ERBB4: variants seen among roughly 807,000 people sequenced by gnomAD.
ERBB4 encodes erb-b2 receptor tyrosine kinase 4.
ERBB4 carries 42 observed loss-of-function variants against 158.0 expected under a neutral mutation model. That is an observed-to-expected ratio of 0.27 (90% CI 0.21 to 0.34). The LOEUF is 0.34. Ranked by LOEUF, ERBB4 falls within the 10% of genes least tolerant of loss-of-function variation. The pLI is 1.00. For synonymous variants in ERBB4, 583 were observed against 558.7 expected (o/e 1.04, Z -0.61); for missense variants, 1,333 against 1,624.1 (o/e 0.82, Z 3.08).
chr2:211,503,747 C>T (rs2125596346), intron 20 of ERBB4, among the ~76,000 whole-genome samples: 1 of 151,874 alleles, frequency 6.6e-6, no homozygotes, highest in Non-Finnish European at 1.5e-5. Flanking sequence ...GGGCTGAAAA[C>T]ATCAGGTCAC....
rs2091056296 is a variant in ERBB4, at chr2:212,397,279, A to T, written c.82+141170T>A. On this transcript the variant is annotated intron_variant, in intron 1 of 27. Coordinates refer to ENST00000342788, the MANE Select transcript of ERBB4 (RefSeq NM_005235.3). ...CACTTGAGCCCAGGAGTTTGAGACCAGCCTGGGCAACATGGTGAAACCCAC... is the reference window on the plus strand; with the variant it reads ...CACTTGAGCCCAGGAGTTTGAGACCTGCCTGGGCAACATGGTGAAACCCAC... 2.0e-5 allele frequency among the ~76,000 whole-genome samples: 3 copies of T among 152,074 alleles called. No individual in the cohort carries two copies. In the South Asian group the frequency reaches 6.2e-4, roughly 32 times the overall value.
rs528869561 is a variant in ERBB4 at position 212,508,147 on chromosome 2, T to G, written c.82+30302A>C. 9.2e-5 allele frequency among the ~76,000 whole-genome samples: 14 copies of G among 152,306 alleles called. No individual in the cohort carries two copies. The East Asian group carries it at 2.7e-3, about 29-fold the overall frequency. ...TTTTTTAGCAATAACTGTTTTTAAA[T>G]TAAGGTATTCATATTGTATTTTTGG... On this transcript the variant is annotated intron_variant, in intron 1 of 27. Transcript: ENST00000342788.
At chr2:212,128,564 C>T (rs1301836248) in intron 1 of ERBB4, among the ~76,000 whole-genome samples, 1 of 152,202 alleles carries the variant, frequency 6.6e-6, no homozygotes, top group Non-Finnish European at 1.5e-5. Context: ...AGATATTTTA[C>T]ATTGTCATAT....
intron 27 of ERBB4, 84 bp downstream of exon 27, chr2:211,386,769 T>A (rs987950134): frequency 2.2e-6 from 3 of 1,381,516 alleles, no homozygotes; most frequent in Admixed American, 3.4e-5. Flanking sequence ...TGGTCAGCTA[T>A]CTGGCAATTT....
chr2:212,382,156 A>G (rs138179089), intron 1 of ERBB4, among the ~76,000 whole-genome samples: 2 of 150,216 alleles, frequency 1.3e-5, no homozygotes, highest in African/African-American at 4.9e-5. Context: ...ATACACATAC[A>G]ATATATATTA....
chr2:211,731,958 C>T (rs1331937087), intron 5 of ERBB4, among the ~76,000 whole-genome samples: 1 of 152,084 alleles, frequency 6.6e-6, no homozygotes, highest in Admixed American at 6.5e-5. Flanking sequence ...AGATGTCTGG[C>T]CCATCTCCTA....
At chr2:211,494,634 T>C (rs1319343992) in intron 20 of ERBB4, among the ~76,000 whole-genome samples, 1 of 152,110 alleles carries the variant, frequency 6.6e-6, no homozygotes, top group Non-Finnish European at 1.5e-5. Flanking sequence ...ATTACCTACT[T>C]GCCACCTAAT....
At chr2:212,495,243 A>G (rs889431338) in intron 1 of ERBB4, among the ~76,000 whole-genome samples, 2 of 151,946 alleles carry the variant, frequency 1.3e-5, no homozygotes, top group Admixed American at 1.3e-4. Flanking sequence ...AAAAAGAAAG[A>G]GTACTGTTCT....
chr2:211,985,428 G>A (rs1283276494), intron 2 of ERBB4, among the ~76,000 whole-genome samples: 1 of 152,092 alleles, frequency 6.6e-6, no homozygotes, highest in East Asian at 1.9e-4. Context: ...CATAAACATG[G>A]GAATATGCCT....
intron 1 of ERBB4, among the ~76,000 whole-genome samples, chr2:212,468,179 G>A (rs562558872): frequency 3.3e-4 from 50 of 152,272 alleles, no homozygotes; most frequent in South Asian, 1.7e-3. Context: ...CAGGTGAGAC[G>A]TTGGACTGTG....
At position 212,310,474 on chromosome 2, in the gene ERBB4, C is replaced by T. The variant is rs147353599; in HGVS notation, c.83-185571G>A. Among the ~76,000 whole-genome samples the T allele has an allele frequency of 2.5e-3, 377 of 150,708 alleles. 4 individuals carry two copies. The highest frequency in any genetic ancestry group is 0.012 in the Admixed American group (183 of 15,050). ...TTTTTCATGCCACCAATATTTTTTA[C>T]TCCTTACAGCTTATTATACATAGGC... On this transcript the variant is annotated intron_variant, in intron 1 of 27. Coordinates refer to ENST00000342788, the MANE Select transcript of ERBB4 (RefSeq NM_005235.3).
intron 1 of ERBB4, among the ~76,000 whole-genome samples, chr2:212,446,107 G>C (rs2092342553): frequency 6.6e-6 from 1 of 152,150 alleles, no homozygotes. Context: ...GTTGTATTAT[G>C]TTAGGCATAA....
At chr2:212,365,677 T>C (rs561991825) in intron 1 of ERBB4, among the ~76,000 whole-genome samples, 1 of 152,070 alleles carries the variant, frequency 6.6e-6, no homozygotes, top group African/African-American at 2.4e-5. Flanking sequence ...AATCTGACTC[T>C]TCCATAATCA....
intron 19 of ERBB4, among the ~76,000 whole-genome samples, chr2:211,564,693 A>C (rs2067497989): frequency 6.6e-6 from 1 of 152,174 alleles, no homozygotes; most frequent in Admixed American, 6.6e-5. Flanking sequence ...AGGGGGTGTT[A>C]GAAGAGTACA....
At chr2:211,448,843 T>C (rs2064174808) in intron 20 of ERBB4, among the ~76,000 whole-genome samples, 1 of 152,194 alleles carries the variant, frequency 6.6e-6, no homozygotes, top group African/African-American at 2.4e-5. Context: ...CACTAAAAGA[T>C]ATGCAGTATT....
intron 3 of ERBB4, among the ~76,000 whole-genome samples, chr2:211,905,350 T>A (rs1478150006): frequency 6.6e-6 from 1 of 151,830 alleles, no homozygotes; most frequent in African/African-American, 2.4e-5. Flanking sequence ...AGGATTACAC[T>A]GGGACCACCC....
intron 3 of ERBB4, among the ~76,000 whole-genome samples, chr2:211,831,021 A>C (rs1227800400): frequency 3.3e-5 from 5 of 152,114 alleles, no homozygotes; most frequent in African/African-American, 7.2e-5. Context: ...ATAAAAAAAA[A>C]CCCAAGTCAT....
At chr2:212,523,609 A>C (rs961343813) in intron 1 of ERBB4, among the ~76,000 whole-genome samples, 2 of 152,012 alleles carry the variant, frequency 1.3e-5, no homozygotes, top group Non-Finnish European at 2.9e-5. Flanking sequence ...ATCTATGAAG[A>C]GCAGGTAGGA....
At chr2:212,146,920 A>G (rs1035513410) in intron 1 of ERBB4, among the ~76,000 whole-genome samples, 8 of 151,932 alleles carry the variant, frequency 5.3e-5, no homozygotes, top group Non-Finnish European at 1.2e-4. Flanking sequence ...ATATGGGGAC[A>G]AGACAGAAGA....
Sources: allele counts gnomAD v4.1 joint callset (sites outside exome capture counted in the v4.1 genomes callset), GRCh38; gene constraint gnomAD v4.1.1; transcripts MANE v1.5; gene names NCBI Gene and HGNC (gene_info 2026-07-23, HGNC 2026-07-21).